MYO1F: variants seen among roughly 807,000 people sequenced by gnomAD.
The protein encoded by MYO1F is unconventional myosin-If.
A neutral mutation model predicts 146.6 loss-of-function variants in MYO1F; 60 were observed. That is an observed-to-expected ratio of 0.41 (90% CI 0.33 to 0.51). MYO1F has a LOEUF of 0.51. Among genes scored for constraint, MYO1F ranks in the 20% least tolerant of loss-of-function variants. MYO1F has a pLI of 0.25. For synonymous variants in MYO1F, 602 were observed against 602.1 expected (o/e 1.00, Z 0.00); for missense variants, 1,274 against 1,534.3 (o/e 0.83, Z 2.83).
At position 8,577,359 on chromosome 19, in the gene MYO1F, T is replaced by C. The variant is rs1555734066; in HGVS notation, c.-50A>G. The C allele has an allele frequency of 6.2e-7, 1 of 1,612,276 alleles. No homozygotes were observed. The highest frequency in any genetic ancestry group is 1.1e-5 in the South Asian group (1 of 90,926). On this transcript the variant is annotated 5_prime_UTR_variant, in exon 1 of 28. Coordinates refer to ENST00000644032, the MANE Select transcript of MYO1F (RefSeq NM_012335.4). The surrounding 1 kb of genome is among the most constrained non-coding windows in gnomAD (Gnocchi z 4.3). ...CTGGAGGCTCCTGAATGGGTCGTGA[T>C]GGAGGTGCAGGTTCAGGGGGATCTT...
Position 8,552,036 on chromosome 19 carries a change from G to T in MYO1F, c.633C>A (p.Tyr211Ter), listed in dbSNP as rs1440468568. 1 of 1,613,918 alleles carries T rather than the reference G, an allele frequency of 6.2e-7. No individual in the cohort carries two copies. The highest frequency in any genetic ancestry group is 1.3e-5 in the African/African-American group (1 of 74,892). The change falls in exon 7 of 28, where the codon TAC (tyrosine) becomes TAA (stop). Residue 211 changes from tyrosine (Y) to a stop codon, truncating the protein, a stop_gained. Coordinates refer to ENST00000644032, the MANE Select transcript of MYO1F (RefSeq NM_012335.4). LOFTEE classifies it high-confidence loss of function. ...TCCCCCGGCCCCTTCCCTGCACCTG[G>T]TAGTAGATGTGGAAGTTCCTCTCAT... ...NENERNFHIYYQLLEGASQEQ... is the reference protein window; with the variant it reads ...NENERNFHIY
rs10408143 is a variant in MYO1F, at chr19:8,522,898, T to C, written c.2855-69A>G. 438,667 of 1,400,676 alleles carry C rather than the reference T, an allele frequency of 0.31. 74,553 individuals carry two copies. The highest frequency in any genetic ancestry group is 0.62 in the East Asian group (25,139 of 40,234). 86.8% of individuals were successfully genotyped at this position (1,400,676 alleles called of 1,614,324 possible). ...AGGAGGATTTGAGGAGGACTTGGCT[T>C]CAAGTTCTCAGGCTGAGGGAGGAGA... is the stretch of plus-strand genomic sequence containing the variant. On this transcript the variant is annotated intron_variant, in intron 25 of 27. Coordinates refer to ENST00000644032, the MANE Select transcript of MYO1F (RefSeq NM_012335.4).
intron 1 of MYO1F, among the ~76,000 whole-genome samples, chr19:8,562,214 G>A (rs1974172092): frequency 1.3e-5 from 2 of 151,092 alleles, no homozygotes; most frequent in African/African-American, 2.5e-5. Flanking sequence ...TGTTAGCCAG[G>A]ATGGTCTTGA....
In MYO1F at chr19:8,548,036, C is replaced by G; in HGVS notation, c.1269G>C (p.Gln423His). 1 of 1,613,378 alleles carries G rather than the reference C, an allele frequency of 6.2e-7. No individual in the cohort carries two copies. The highest frequency in any genetic ancestry group is 8.5e-7 in the Non-Finnish European group (1 of 1,179,764). ...CATCCCTGACTGCTTGGCCGCCCAC[C>G]TGCTCGGCCTTCAGGGTAAGTTCGA... ...IFIELTLKAE[Q>H]EEYVQEGIRW... The change falls in exon 12 of 28, where the codon CAG (glutamine) becomes CAC (histidine). Residue 423 changes from glutamine (Q) to histidine (H), a missense_variant and splice_region_variant. Physicochemically the swap from Gln to His is conservative, Grantham distance 24. Coordinates refer to ENST00000644032, the MANE Select transcript of MYO1F (RefSeq NM_012335.4).
chr19:8,538,291 G>GTATT (rs1972815940), intron 16 of MYO1F, among the ~76,000 whole-genome samples: 2 of 150,228 alleles, frequency 1.3e-5, no homozygotes, highest in Non-Finnish European at 3.0e-5. Flanking sequence ...TTTTATTTTA[G>GTATT]TATTTATTTA....
intron 16 of MYO1F, among the ~76,000 whole-genome samples, chr19:8,538,846 A>G (rs1400117306): frequency 6.6e-6 from 1 of 152,162 alleles, no homozygotes; most frequent in Non-Finnish European, 1.5e-5. Context: ...GGTGAGTGCC[A>G]GGGACTTGGA....
intron 15 of MYO1F, 182 bp downstream of exon 15, chr19:8,541,724 C>T (rs1031999473): frequency 3.2e-5 from 21 of 652,532 alleles, no homozygotes; most frequent in South Asian, 6.7e-5. Context: ...CCACTGCGCC[C>T]GGCCTCTGGA....
chr19:8,531,288 G>T (rs574507220), intron 19 of MYO1F, among the ~76,000 whole-genome samples: 1 of 149,888 alleles, frequency 6.7e-6, no homozygotes, highest in African/African-American at 2.5e-5. Flanking sequence ...TGGAGGTTGC[G>T]GTGAGCTGAG....
intron 17 of MYO1F, 84 bp downstream of exon 17, chr19:8,536,865 A>C: frequency 2.4e-6 from 2 of 840,438 alleles, no homozygotes; most frequent in Non-Finnish European, 3.7e-6. Context: ...ATCCTACAGG[A>C]GGTCAGGGAG....
At chr19:8,543,295 T>C (rs1473892874) in intron 14 of MYO1F, among the ~76,000 whole-genome samples, 3 of 152,112 alleles carry the variant, frequency 2.0e-5, no homozygotes, top group South Asian at 2.1e-4. Context: ...TCCTGTCTTT[T>C]GGGGAGTGGG....
chr19:8,528,253 G>A (rs1227071953), intron 21 of MYO1F, among the ~76,000 whole-genome samples: 2 of 151,492 alleles, frequency 1.3e-5, no homozygotes, highest in East Asian at 3.9e-4. Context: ...AACAGATCAG[G>A]CGCGGTGGCA....
rs1972441390 is a variant in MYO1F at position 8,530,504 on chromosome 19, G to A, written c.2113C>T (p.Arg705Trp). The change falls in exon 20 of 28, where the codon CGG (arginine) becomes TGG (tryptophan). Residue 705 changes from arginine (R) to tryptophan (W), a missense_variant. Arg to Trp is a moderately radical substitution (Grantham distance 101). This residue lies in a region of MYO1F where 900 missense variants were observed against 1,155.1 expected (regional missense o/e 0.78). Transcript: ENST00000644032. The surrounding 1 kb of genome is among the most constrained non-coding windows in gnomAD (Gnocchi z 5.8). ...GFARTIQKAW[R>W]RHVAVRKYEE... ...TACTTCCGGACAGCCACGTGGCGCC[G>A]CCAGGCCTTCTGGATGGTTCGGGCA... The A allele has an allele frequency of 1.2e-6, 2 of 1,613,504 alleles. No homozygotes were observed. Among genetic ancestry groups the A allele is most frequent in the Non-Finnish European group, 1.7e-6 (2 of 1,180,026 alleles).
chr19:8,550,845 G>C (rs973517593), intron 8 of MYO1F, 151 bp from the exon 9 acceptor site: 1 of 931,384 alleles, frequency 1.1e-6, no homozygotes, highest in South Asian at 1.5e-5. Context: ...GCGTGACCTT[G>C]GGTAAGTGCC....
chr19:8,521,733 G>A (rs1972067132), intron 27 of MYO1F, 129 bp from the exon 28 acceptor site: 9 of 820,254 alleles, frequency 1.1e-5, no homozygotes, highest in Non-Finnish European at 1.8e-5. Context: ...CTAGGCTTAA[G>A]CCATCCTCCT....
Position 8,548,419 on chromosome 19 carries a change from G to A in MYO1F, c.1102-102C>T. 5 of 1,037,316 alleles carry A rather than the reference G, an allele frequency of 4.8e-6. No homozygotes were observed. The Admixed American group carries it at 7.7e-5, about 16-fold the overall frequency. 64.3% of individuals were successfully genotyped at this position (1,037,316 alleles called of 1,614,324 possible). A position where few individuals can be genotyped will look rare whatever the true frequency, so the allele number is the denominator to read the frequency against. ...ACGCCTAGCCAACTTCATGGGTGATGTCCCCTCATGCCAGTTTCCCTCCAG... is the reference window on the plus strand; with the variant it reads ...ACGCCTAGCCAACTTCATGGGTGATATCCCCTCATGCCAGTTTCCCTCCAG... On this transcript the variant is annotated intron_variant, in intron 10 of 27. Transcript: ENST00000644032.
At position 8,521,067 on chromosome 19, in the gene MYO1F, G is replaced by A; in HGVS notation, c.*461C>T. 3.4e-6 allele frequency: 1 copy of A among 292,398 alleles called. No individual in the cohort carries two copies. The highest frequency in any genetic ancestry group is 6.8e-6 in the Non-Finnish European group (1 of 147,718). The allele number at this position is 292,398 out of a possible 1,614,324, so 18.1% of individuals were successfully genotyped here. On this transcript the variant is annotated 3_prime_UTR_variant, in exon 28 of 28. Coordinates refer to ENST00000644032, the MANE Select transcript of MYO1F (RefSeq NM_012335.4). ...TTCACAGCTCCTACCTCACAGGGCT[G>A]TGAAAACATCGTCCTTGTTGGGCAC...
In MYO1F at chr19:8,551,759, C is replaced by T; in HGVS notation, c.752G>A (p.Ser251Asn). ...GCTCACCAGAGTCTCACCAAAGTCG[C>T]TTCTGTCGTCCGTGCCGTCCACCTG... ...TYQVDGTDDR[S>N]DFGETLSAMQ... is the part of the protein sequence containing the mutation. Residue 251 changes from serine (S) to asparagine (N), a missense_variant, in exon 8 of 28, where the codon AGC (serine) becomes AAC (asparagine). By Grantham distance (46) the Ser-to-Asn change is conservative (BLOSUM62 1). Transcript: ENST00000644032. 1 of 1,614,166 alleles carries T rather than the reference C, an allele frequency of 6.2e-7. No individual in the cohort carries two copies. The highest frequency in any genetic ancestry group is 8.5e-7 in the Non-Finnish European group (1 of 1,180,044).
intron 1 of MYO1F, among the ~76,000 whole-genome samples, chr19:8,572,512 C>T (rs548662699): frequency 1.2e-4 from 18 of 152,188 alleles, no homozygotes; most frequent in Admixed American, 1.2e-3. Context: ...AAGTGATCCA[C>T]CTGCCTCGGC....
At position 8,550,295 on chromosome 19, in the gene MYO1F, G is replaced by A. The variant is rs1973547675; in HGVS notation, c.966C>T (p.Thr322=). Residue 322 remains threonine (T), a synonymous_variant, in exon 10 of 28, where the codon ACC becomes ACT. Transcript: ENST00000644032. The stretch of plus-strand genomic sequence containing the variant: ...CCCAGCGGCTGTCCATCTTGCGGCT[G>A]GTCAGCTTCTCCTGCAGTCGCCCGC... The part of the protein sequence containing the change: ...IDSGRLQEKL[T]SRKMDSRWGG... 6.2e-7 allele frequency: 1 copy of A among 1,614,092 alleles called. No individual in the cohort carries two copies. Among genetic ancestry groups the A allele is most frequent in the African/African-American group, 1.3e-5 (1 of 75,072 alleles).
Sources: gnomAD v4.1 joint callset for allele counts (sites outside exome capture counted in the v4.1 genomes callset) on GRCh38, gnomAD v4.1.1 for gene constraint, gnomAD v4.1.1 regional missense constraint, Gnocchi (gnomAD v3.1) non-coding constraint, MANE v1.5 for transcripts, NCBI Gene and HGNC (gene_info 2026-07-23, HGNC 2026-07-21) for gene names.